Variants in CCN3 observed in about 807,000 individuals in gnomAD.
CCN3 encodes the protein CCN family member 3.
CCN3 carries 20 observed loss-of-function variants against 33.4 expected under a neutral mutation model. The observed-to-expected ratio is 0.60, with a 90% CI of 0.42 to 0.87. The LOEUF is 0.87. Among genes scored for constraint, CCN3 ranks in the 40% least tolerant of loss-of-function variants. The probability of loss-of-function intolerance (pLI) is 0.00; values close to 1 mark genes in which losing one functional copy is unlikely to be tolerated. For synonymous variants in CCN3, 205 were observed against 170.4 expected, an observed-to-expected ratio of 1.20 and a Z score of -1.58; for missense variants, 465 against 455.3, an observed-to-expected ratio of 1.02 and a Z score of -0.19.
intron 4 of CCN3, among the ~76,000 whole-genome samples, chr8:119,422,281 G>GA (rs934943796): frequency 1.3e-5 from 2 of 152,082 alleles, no homozygotes; most frequent in Non-Finnish European, 2.9e-5. Context: ...AACAGCAAGG[G>GA]AAAAATCTGC....
rs1820164002 is a variant in CCN3, at chr8:119,424,176, GGTTT to G, written c.*1047_*1050del. The G allele has an allele frequency of 6.6e-6, 1 of 152,106 alleles. No homozygotes were observed. Among genetic ancestry groups the G allele is most frequent in the Non-Finnish European group, 1.5e-5 (1 of 68,014 alleles). The allele number at this position is 152,106 out of a possible 1,614,324, so 9.4% of individuals were successfully genotyped here. Reference sequence around the variant, plus strand: ...TATATGTGTATACATACATGTATCTGGTTTGTCAGGCTACAAGGTAGGCTGCAAA... The same window carrying G: ...TATATGTGTATACATACATGTATCTGGTCAGGCTACAAGGTAGGCTGCAAA... On this transcript the variant is annotated 3_prime_UTR_variant, in exon 5 of 5. Coordinates refer to ENST00000259526, the MANE Select transcript of CCN3 (RefSeq NM_002514.4).
rs940783801 is a variant in CCN3, at chr8:119,423,406, A to T, written c.*274A>T. ...ACAAATGCAAATTTCTATAAATTTA[A>T]GAAAACAAGTATATAATTTACTTTG... On this transcript the variant is annotated 3_prime_UTR_variant, in exon 5 of 5. Transcript: ENST00000259526. 3 of 349,348 alleles carry T rather than the reference A, an allele frequency of 8.6e-6. No homozygotes were observed. Among genetic ancestry groups the T allele is most frequent in the Non-Finnish European group, 1.6e-5 (3 of 190,502 alleles). 21.6% of individuals were successfully genotyped at this position (349,348 alleles called of 1,614,324 possible). A position where few individuals can be genotyped will look rare whatever the true frequency, so the allele number is the denominator to read the frequency against.
chr8:119,423,136 G>A lies in CCN3; in HGVS notation c.*4G>A. The A allele has an allele frequency of 6.2e-7, 1 of 1,610,510 alleles. No individual in the cohort carries two copies. The highest frequency in any genetic ancestry group is 8.5e-7 in the Non-Finnish European group (1 of 1,177,394). On this transcript the variant is annotated 3_prime_UTR_variant, in exon 5 of 5. Transcript: ENST00000259526. Reference sequence around the variant, plus strand: ...GACTACCAGAGGGAAAATGTAACCTGTCACTCAAGAAGCACACCTACAGAG... The same window carrying A: ...GACTACCAGAGGGAAAATGTAACCTATCACTCAAGAAGCACACCTACAGAG...
chr8:119,417,093 A>G (rs184690808), intron 2 of CCN3, 124 bp downstream of exon 2: 3 of 824,916 alleles, frequency 3.6e-6, no homozygotes, highest in East Asian at 2.7e-5. Flanking sequence ...GCAATAAATG[A>G]CATGTATAGA....
intron 4 of CCN3, among the ~76,000 whole-genome samples, chr8:119,422,188 CAGAA>C (rs745785481): frequency 6.6e-6 from 1 of 151,534 alleles, no homozygotes; most frequent in Non-Finnish European, 1.5e-5. Context: ...GAGAGAAAGG[CAGAA>C]AGAGAGAGAG....
chr8:119,419,381 A>G (rs1224344838), intron 4 of CCN3, 36 bp downstream of exon 4: 5 of 1,597,572 alleles, frequency 3.1e-6, no homozygotes, highest in Non-Finnish European at 4.3e-6. Flanking sequence ...TCCTGAAGGT[A>G]ATGGCCTTGT....
In CCN3 at chr8:119,419,432, T is replaced by G. The variant is rs945622232; in HGVS notation, c.777+87T>G. ...GCTTCAGAAAGTCACTGTGTCACTC[T>G]GTGACGGAGAGAGCAGCTATAGCGG... On this transcript the variant is annotated intron_variant, in intron 4 of 4. Coordinates refer to ENST00000259526, the MANE Select transcript of CCN3 (RefSeq NM_002514.4). 6.0e-6 allele frequency: 8 copies of G among 1,339,528 alleles called. No individual in the cohort carries two copies. The African/African-American group carries it at 1.0e-4, about 17-fold the overall frequency. The allele number at this position is 1,339,528 out of a possible 1,614,324, so 83.0% of individuals were successfully genotyped here.
intron 2 of CCN3, among the ~76,000 whole-genome samples, chr8:119,417,473 G>C (rs1010530690): frequency 2.0e-5 from 3 of 152,198 alleles, no homozygotes; most frequent in Non-Finnish European, 4.4e-5. Context: ...AAAATAAAAT[G>C]CAGGCAACTA....
At chr8:119,420,948 G>T (rs1294292900) in intron 4 of CCN3, among the ~76,000 whole-genome samples, 2 of 145,416 alleles carry the variant, frequency 1.4e-5, no homozygotes, top group Non-Finnish European at 3.0e-5. Context: ...TATAAAAATT[G>T]TACTAGTATA....
rs1820094964 is a variant in CCN3 at position 119,419,347 on chromosome 8, T to C, written c.777+2T>C. 2 of 1,612,948 alleles carry C rather than the reference T, an allele frequency of 1.2e-6. No homozygotes were observed. Among genetic ancestry groups the C allele is most frequent in the Non-Finnish European group, 1.7e-6 (2 of 1,179,960 alleles). On this transcript the variant is annotated splice_donor_variant, in intron 4 of 4. Coordinates refer to ENST00000259526, the MANE Select transcript of CCN3 (RefSeq NM_002514.4). LOFTEE classifies it high-confidence loss of function. ...GAGCCAGAGCAGCCAACAGATAAGG[T>C]AGGAGCCTGGAGGAAACCTCCCATC... is the stretch of plus-strand genomic sequence containing the variant.
chr8:119,416,751 C>A lies in CCN3; in HGVS notation c.92C>A (p.Ala31Glu), dbSNP rs2130451003. The A allele has an allele frequency of 1.3e-6, 2 of 1,585,334 alleles. No individual in the cohort carries two copies. The highest frequency in any genetic ancestry group is 1.7e-6 in the Non-Finnish European group (2 of 1,165,390). Residue 31 changes from alanine (A) to glutamate (E), a missense_variant, in exon 2 of 5, where the codon GCG becomes GAG. Physicochemically the swap from Ala to Glu is moderately radical, Grantham distance 107. Coordinates refer to ENST00000259526, the MANE Select transcript of CCN3 (RefSeq NM_002514.4). ...LLLHLLGQVA[A>E]TQRCPPQCPG... is the part of the protein sequence containing the mutation. ...TGTCTCGCCTGCCTTCAGGTCGCTG[C>A]GACTCAGCGCTGCCCTCCCCAGTGC... is the stretch of plus-strand genomic sequence containing the variant.
Position 119,419,156 on chromosome 8 carries a change from A to T in CCN3, c.588A>T (p.Gly196=), listed in dbSNP as rs779711912. ...CTTACAGGCCAGAAGCCACCCTAGG[A>T]GTAGAAGTCTCTGACTCAAGTGTCA... The part of the protein sequence containing the change: ...LAAYRPEATL[G]VEVSDSSVNC... Residue 196 remains glycine, a synonymous_variant, in exon 4 of 5, where the codon GGA becomes GGT. Transcript: ENST00000259526. 9 of 1,614,172 alleles carry T rather than the reference A, an allele frequency of 5.6e-6. No individual in the cohort carries two copies. Among genetic ancestry groups the T allele is most frequent in the Non-Finnish European group, 7.6e-6 (9 of 1,180,010 alleles).
At chr8:119,418,336 G>A (rs189778238) in intron 3 of CCN3, 27 bp downstream of exon 3, 1 of 1,608,808 alleles carries the variant, frequency 6.2e-7, no homozygotes, top group Admixed American at 1.7e-5. Flanking sequence ...ACCTAGGGCT[G>A]GTCATAGTAG....
chr8:119,423,060 C>G lies in CCN3; in HGVS notation c.1002C>G (p.His334Gln). The change falls in exon 5 of 5, where the codon CAC (histidine) becomes CAG (glutamine). Residue 334 changes from histidine to glutamine, a missense_variant. Coordinates refer to ENST00000259526, the MANE Select transcript of CCN3 (RefSeq NM_002514.4). The stretch of plus-strand genomic sequence containing the variant: ...TGGTCATTGGGACCTGCACCTGTCA[C>G]ACCAACTGTCCTAAGAACAATGAGG... ...PVMVIGTCTCHTNCPKNNEAF... is the reference protein window; with the variant it reads ...PVMVIGTCTCQTNCPKNNEAF... The G allele has an allele frequency of 6.2e-7, 1 of 1,614,202 alleles. No individual in the cohort carries two copies. The highest frequency in any genetic ancestry group is 8.5e-7 in the Non-Finnish European group (1 of 1,180,040).
At chr8:119,420,949 T>A (rs1054045531) in intron 4 of CCN3, among the ~76,000 whole-genome samples, 1 of 151,804 alleles carries the variant, frequency 6.6e-6, no homozygotes, top group African/African-American at 2.4e-5. Flanking sequence ...ATAAAAATTG[T>A]ACTAGTATAA....
rs1057380136 is a variant in CCN3, at chr8:119,423,571, T to C, written c.*439T>C. 6.5e-6 allele frequency: 1 copy of C among 154,098 alleles called. No individual in the cohort carries two copies. The highest frequency in any genetic ancestry group is 1.4e-5 in the Non-Finnish European group (1 of 69,242). The allele number at this position is 154,098 out of a possible 1,614,324, so 9.5% of individuals were successfully genotyped here. A position where few individuals can be genotyped will look rare whatever the true frequency, so the allele number is the denominator to read the frequency against. On this transcript the variant is annotated 3_prime_UTR_variant, in exon 5 of 5. Coordinates refer to ENST00000259526, the MANE Select transcript of CCN3 (RefSeq NM_002514.4). The stretch of plus-strand genomic sequence containing the variant: ...AAGTATTACAACCATATATTGAGGT[T>C]CATTGGGAAGATTCTCTATTGGCTC...
At position 119,424,105 on chromosome 8, in the gene CCN3, C is replaced by T. The variant is rs1820162547; in HGVS notation, c.*973C>T. On this transcript the variant is annotated 3_prime_UTR_variant, in exon 5 of 5. Coordinates refer to ENST00000259526, the MANE Select transcript of CCN3 (RefSeq NM_002514.4). The stretch of plus-strand genomic sequence containing the variant: ...GAGTTTGGAATTATTGTAGACATGC[C>T]CAAAACTTATCCTTGGGCCATAATT... The T allele has an allele frequency of 6.6e-6, 1 of 151,972 alleles. No homozygotes were observed. The highest frequency in any genetic ancestry group is 2.4e-5 in the African/African-American group (1 of 41,338). 9.4% of individuals were successfully genotyped at this position (151,972 alleles called of 1,614,324 possible). A position where few individuals can be genotyped will look rare whatever the true frequency, so the allele number is the denominator to read the frequency against.
Position 119,418,322 on chromosome 8 carries a change from A to C in CCN3, c.562+13A>C, listed in dbSNP as rs142441066. ...CTTACCCTTGCAGGTGAGAAACTCA[A>C]TATACCTAGGGCTGGTCATAGTAGA... On this transcript the variant is annotated intron_variant, in intron 3 of 4. Coordinates refer to ENST00000259526, the MANE Select transcript of CCN3 (RefSeq NM_002514.4). 6.2e-7 allele frequency: 1 copy of C among 1,613,828 alleles called. No homozygotes were observed. Among genetic ancestry groups the C allele is most frequent in the African/African-American group, 1.3e-5 (1 of 75,060 alleles).
intron 4 of CCN3, among the ~76,000 whole-genome samples, 164 bp downstream of exon 4, chr8:119,419,509 C>CT (rs1237938184): frequency 6.6e-6 from 1 of 152,224 alleles, no homozygotes; most frequent in Non-Finnish European, 1.5e-5. Flanking sequence ...AGCCTATCTT[C>CT]TTTTTTCTCT....
Sources: gnomAD v4.1 joint callset for allele counts (sites outside exome capture counted in the v4.1 genomes callset) on GRCh38, gnomAD v4.1.1 for gene constraint, MANE v1.5 for transcripts, NCBI Gene and HGNC (gene_info 2026-07-23, HGNC 2026-07-21) for gene names.